The following RANBP3 variants were observed in gnomAD, a reference collection of about 807,000 sequenced individuals.
RANBP3 encodes the protein RAN binding protein 3, also known as ran-binding protein 3.
RANBP3 carries 14 observed loss-of-function variants against 77.3 expected under a neutral mutation model. That is an observed-to-expected ratio of 0.18 (90% confidence interval 0.12 to 0.28). RANBP3 has a LOEUF of 0.28. Ranked by LOEUF, RANBP3 falls within the 10% of genes least tolerant of loss-of-function variation. RANBP3 has a pLI of 1.00. For missense variants in RANBP3, 586 were observed against 752.3 expected, an observed-to-expected ratio of 0.78 and a Z score of 2.59; for synonymous variants, 315 against 312.4, an observed-to-expected ratio of 1.01 and a Z score of -0.09.
At chr19:5,970,073 G>A (rs537275105) in intron 1 of RANBP3, among the ~76,000 whole-genome samples, 169 of 152,288 alleles carry the variant, frequency 1.1e-3, no homozygotes, top group Non-Finnish European at 1.6e-3. Context: ...CATGTTTGTG[G>A]GGGTGTGGAG....
intron 10 of RANBP3, 184 bp from the exon 11 acceptor site, chr19:5,925,089 C>T: frequency 1.6e-6 from 1 of 628,334 alleles, no homozygotes. Context: ...AAAACATTAA[C>T]CCTTAGCTCG....
chr19:5,933,653 G>C (rs2058025982), intron 5 of RANBP3, 174 bp from the exon 6 acceptor site: 1 of 548,440 alleles, frequency 1.8e-6, no homozygotes. Context: ...GGCCTGGAAG[G>C]CGCCTGGAGG....
chr19:5,966,353 G>C (rs80302371), intron 1 of RANBP3, among the ~76,000 whole-genome samples: 13 of 152,304 alleles, frequency 8.5e-5, no homozygotes, highest in Admixed American at 3.9e-4. Context: ...TCCCCGACAA[G>C]ACTGCAATCC....
At chr19:5,931,362 G>C (rs761707865) in intron 8 of RANBP3, 42 bp downstream of exon 8, 1 of 1,568,538 alleles carries the variant, frequency 6.4e-7, no homozygotes. Context: ...CGCTCCCAAG[G>C]GGCCTAGCAT....
intron 8 of RANBP3, 110 bp from the exon 9 acceptor site, chr19:5,928,197 A>G (rs2057939145): frequency 7.6e-7 from 1 of 1,311,050 alleles, no homozygotes; most frequent in East Asian, 2.4e-5. Context: ...TCTCCTCTGC[A>G]TGTGCCTGCA....
At chr19:5,963,386 T>A (rs186806459) in intron 1 of RANBP3, among the ~76,000 whole-genome samples, 481 of 152,090 alleles carry the variant, frequency 3.2e-3, no homozygotes, top group Non-Finnish European at 4.4e-3. Flanking sequence ...ACCCTATTTC[T>A]ACAAAAAACA....
Position 5,917,609 on chromosome 19 carries a change from G to A in RANBP3, c.*1C>T, listed in dbSNP as rs573631608. On this transcript the variant is annotated 3_prime_UTR_variant, in exon 17 of 17. Coordinates refer to ENST00000340578, the MANE Select transcript of RANBP3 (RefSeq NM_007322.3). ...CTGGTGTGCAGCCGGGCTCCCGGCCGCTATGTGCTCCCGGTCGTCTGCCCG... is the reference window on the plus strand; with the variant it reads ...CTGGTGTGCAGCCGGGCTCCCGGCCACTATGTGCTCCCGGTCGTCTGCCCG... 12 of 1,600,308 alleles carry A rather than the reference G, an allele frequency of 7.5e-6. No individual in the cohort carries two copies. The South Asian group carries it at 7.8e-5, about 10-fold the overall frequency.
rs1193499914 is a variant in RANBP3 at position 5,933,382 on chromosome 19, CACCCCCCGCCCCAGGGAGGTAGACG to C, written c.472+7_472+31del. The stretch of plus-strand genomic sequence containing the variant: ...AGAGGTCTGAAAAACGTCAGAGAGC[CACCCCCCGCCCCAGGGAGGTAGACG>C]ACCTACCTGCGCTGGGGGCTTGGCC... On this transcript the variant is annotated splice_region_variant and intron_variant, in intron 6 of 16. Coordinates refer to ENST00000340578, the MANE Select transcript of RANBP3 (RefSeq NM_007322.3). 6.3e-7 allele frequency: 1 copy of C among 1,575,034 alleles called. No individual in the cohort carries two copies. Among genetic ancestry groups the C allele is most frequent in the Non-Finnish European group, 8.6e-7 (1 of 1,159,852 alleles).
At chr19:5,965,262 G>A (rs1277859174) in intron 1 of RANBP3, among the ~76,000 whole-genome samples, 3 of 150,108 alleles carry the variant, frequency 2.0e-5, no homozygotes. Context: ...AGTCACCTCT[G>A]TAATTTGGTG....
chr19:5,970,406 A>G (rs1178933725), intron 1 of RANBP3, among the ~76,000 whole-genome samples: 4 of 152,122 alleles, frequency 2.6e-5, no homozygotes, highest in East Asian at 1.9e-4. Flanking sequence ...AGTAGGTTAG[A>G]TAACTATGGA....
In RANBP3 at chr19:5,916,303, C is replaced by T. The variant is rs1380233652; in HGVS notation, c.*1307G>A. On this transcript the variant is annotated 3_prime_UTR_variant, in exon 17 of 17. Coordinates refer to ENST00000340578, the MANE Select transcript of RANBP3 (RefSeq NM_007322.3). ...CTCTCGGGAGGGCCTCTGGTTCTTC[C>T]CGGGCTCAGGCTTGCTGGGGGCTGG... 6.6e-6 allele frequency: 1 copy of T among 152,384 alleles called. No individual in the cohort carries two copies. The highest frequency in any genetic ancestry group is 6.5e-5 in the Admixed American group (1 of 15,268). The allele number at this position is 152,384 out of a possible 1,614,324, so 9.4% of individuals were successfully genotyped here.
intron 8 of RANBP3, among the ~76,000 whole-genome samples, chr19:5,928,781 C>G (rs1032404691): frequency 6.6e-6 from 1 of 151,978 alleles, no homozygotes. Context: ...TTTTTTGTAA[C>G]TAAATATCCT....
At chr19:5,963,694 G>A (rs1488316767) in intron 1 of RANBP3, among the ~76,000 whole-genome samples, 2 of 152,226 alleles carry the variant, frequency 1.3e-5, no homozygotes, top group Non-Finnish European at 2.9e-5. Context: ...ACACTGGTGT[G>A]TGAAGCGGGG....
At chr19:5,956,023 C>T (rs1048868278) in intron 2 of RANBP3, among the ~76,000 whole-genome samples, 1 of 152,032 alleles carries the variant, frequency 6.6e-6, no homozygotes, top group African/African-American at 2.4e-5. Flanking sequence ...CGGGAGATTG[C>T]TTGAAGCCAG....
rs2058455050 is a variant in RANBP3 at position 5,965,360 on chromosome 19, C to T, written c.23-7387G>A. On this transcript the variant is annotated intron_variant, in intron 1 of 16. Coordinates refer to ENST00000340578, the MANE Select transcript of RANBP3 (RefSeq NM_007322.3). ...AAGGAGGAGGGCGGTTTCAACAGCCCACATGTGAGAGTTAAATAGCAGGCT... is the reference window on the plus strand; with the variant it reads ...AAGGAGGAGGGCGGTTTCAACAGCCTACATGTGAGAGTTAAATAGCAGGCT... Among the ~76,000 whole-genome samples the T allele has an allele frequency of 2.0e-5, 3 of 152,064 alleles. No homozygotes were observed. The South Asian group carries it at 6.2e-4, about 32-fold the overall frequency.
intron 1 of RANBP3, chr19:5,965,987 G>A (rs550200624): frequency 5.9e-5 from 9 of 152,294 alleles, no homozygotes; most frequent in African/African-American, 1.2e-4. Context: ...CCGGGTCTTC[G>A]GGCCAGGTGG....
intron 14 of RANBP3, 129 bp from the exon 15 acceptor site, chr19:5,918,767 C>T: frequency 8.3e-7 from 1 of 1,204,368 alleles, no homozygotes; most frequent in Non-Finnish European, 1.2e-6. Context: ...CCTCCCAGGA[C>T]CCACCCACAG....
At chr19:5,925,079 A>G (rs2057884850) in intron 10 of RANBP3, 174 bp from the exon 11 acceptor site, 1 of 668,838 alleles carries the variant, frequency 1.5e-6, no homozygotes, top group South Asian at 1.7e-5. Context: ...TGTGCCATTG[A>G]AAACATTAAC....
chr19:5,932,489 C>A lies in RANBP3; in HGVS notation c.528G>T (p.Val176=). Residue 176 remains valine (V), a synonymous_variant, in exon 7 of 17, where the codon GTG becomes GTT. Transcript: ENST00000340578. Reference sequence around the variant, plus strand: ...GCGCCTTTGGCTGCGGAGCTTGTAACACTGCCGGGCGAAGCACGCTCCGCT... The same window carrying A: ...GCGCCTTTGGCTGCGGAGCTTGTAAAACTGCCGGGCGAAGCACGCTCCGCT... ...EQQRSVLRPA[V]LQAPQPKALS... The A allele has an allele frequency of 6.2e-7, 1 of 1,613,898 alleles. No individual in the cohort carries two copies. Among genetic ancestry groups the A allele is most frequent in the Non-Finnish European group, 8.5e-7 (1 of 1,180,016 alleles).
Sources: gnomAD v4.1 joint callset for allele counts (sites outside exome capture counted in the v4.1 genomes callset) on GRCh38, gnomAD v4.1.1 for gene constraint, MANE v1.5 for transcripts, NCBI Gene and HGNC (gene_info 2026-07-23, HGNC 2026-07-21) for gene names.